The following CLNK variants were observed in gnomAD, a reference collection of about 807,000 sequenced individuals.
The protein encoded by CLNK is cytokine dependent hematopoietic cell linker, also known as cytokine-dependent hematopoietic cell linker.
Under a neutral mutation model 68.6 loss-of-function variants are expected in CLNK, and 74 were observed. That is an observed-to-expected ratio of 1.08 (90% CI 0.89 to 1.31). CLNK has a LOEUF of 1.31. Among genes scored for constraint, CLNK ranks in the 50% most tolerant of loss-of-function variants. CLNK has a pLI of 0.00. For missense variants in CLNK, 553 were observed against 515.3 expected, an observed-to-expected ratio of 1.07 and a Z score of -0.71; for synonymous variants, 198 against 172.2, an observed-to-expected ratio of 1.15 and a Z score of -1.17.
At chr4:10,607,165 T>C (rs981534918) in intron 2 of CLNK, among the ~76,000 whole-genome samples, 1 of 152,190 alleles carries the variant, frequency 6.6e-6, no homozygotes, top group Non-Finnish European at 1.5e-5. Flanking sequence ...GGGGAAAAGG[T>C]GCATCCATAG....
intron 4 of CLNK, 80 bp from the exon 5 acceptor site, chr4:10,571,858 C>T: frequency 9.2e-7 from 1 of 1,087,730 alleles, no homozygotes; most frequent in Non-Finnish European, 1.4e-6. Flanking sequence ...CCTTGTTTTT[C>T]TCCAGAAATC....
intron 12 of CLNK, among the ~76,000 whole-genome samples, chr4:10,529,693 T>C (rs1325555134): frequency 6.6e-6 from 1 of 152,192 alleles, no homozygotes; most frequent in Non-Finnish European, 1.5e-5. Context: ...ACTTTGAACC[T>C]GGCTGTTCAA....
chr4:10,583,840 G>T (rs990145459), intron 4 of CLNK, among the ~76,000 whole-genome samples: 2 of 152,194 alleles, frequency 1.3e-5, no homozygotes, highest in African/African-American at 4.8e-5. Context: ...GATACAGGTA[G>T]TTGGAGCTGG....
chr4:10,674,124 C>T (rs1404705331), intron 1 of CLNK, among the ~76,000 whole-genome samples: 2 of 152,116 alleles, frequency 1.3e-5, no homozygotes, highest in African/African-American at 2.4e-5. Flanking sequence ...AGAGTCGACT[C>T]TGCTGTGGGG....
intron 2 of CLNK, among the ~76,000 whole-genome samples, chr4:10,599,632 T>A (rs1721515163): frequency 6.6e-6 from 1 of 152,202 alleles, no homozygotes. Flanking sequence ...CAGGCCTTTT[T>A]CCTAGCGAGA....
chr4:10,561,970 G>A (rs907859260), intron 7 of CLNK, among the ~76,000 whole-genome samples: 1 of 152,178 alleles, frequency 6.6e-6, no homozygotes, highest in Non-Finnish European at 1.5e-5. Context: ...CATGGTAGGT[G>A]TTGGGGCTAA....
rs1553851326 is a variant in CLNK at position 10,564,741 on chromosome 4, AGG to A, written c.327_328del (p.Leu110SerfsTer38). 6.2e-7 allele frequency: 1 copy of A among 1,613,482 alleles called. No homozygotes were observed. The highest frequency in any genetic ancestry group is 1.3e-5 in the African/African-American group (1 of 74,890). On this transcript the variant is annotated frameshift_variant, in exon 7 of 19. Coordinates refer to ENST00000226951, the MANE Select transcript of CLNK (RefSeq NM_052964.4). LOFTEE classifies it high-confidence loss of function. ...GATAGAGGTCCTGGTGTCTAACGGAAGGGGAGTGTCCATTGCAACCTTGAAAT... is the reference window on the plus strand; with the variant it reads ...GATAGAGGTCCTGGTGTCTAACGGAAGGAGTGTCCATTGCAACCTTGAAAT...
At chr4:10,516,190 T>C (rs542508530) in intron 15 of CLNK, among the ~76,000 whole-genome samples, 2 of 152,266 alleles carry the variant, frequency 1.3e-5, no homozygotes, top group South Asian at 4.1e-4. Flanking sequence ...ATAAAATCTT[T>C]AGGATATATA....
intron 13 of CLNK, 59 bp downstream of exon 13, chr4:10,528,017 C>G (rs953187294): frequency 2.1e-6 from 2 of 974,276 alleles, no homozygotes; most frequent in Non-Finnish European, 2.8e-6. Context: ...CACTGTAGAT[C>G]TAGAAAGAGA....
Position 10,542,824 on chromosome 4 carries a change from GA to G in CLNK, c.446-545del, listed in dbSNP as rs548514459. 1.7e-3 allele frequency among the ~76,000 whole-genome samples: 249 copies of G among 146,506 alleles called. 2 individuals are homozygous for G. Among genetic ancestry groups the G allele is most frequent in the South Asian group, 2.2e-3 (10 of 4,610 alleles). ...AATCCAACTTCTTTATTTTATGGAT[GA>G]AAAAAAAAACTAAGGACAAACTAGG... On this transcript the variant is annotated intron_variant, in intron 8 of 18. Coordinates refer to ENST00000226951, the MANE Select transcript of CLNK (RefSeq NM_052964.4).
At chr4:10,667,305 C>A (rs1442674165) in intron 2 of CLNK, among the ~76,000 whole-genome samples, 1 of 150,828 alleles carries the variant, frequency 6.6e-6, no homozygotes, top group Non-Finnish European at 1.5e-5. Flanking sequence ...ACTGGTCCAC[C>A]AAACTTTGCC....
intron 5 of CLNK, among the ~76,000 whole-genome samples, chr4:10,570,479 C>T (rs1181944366): frequency 6.6e-6 from 1 of 152,138 alleles, no homozygotes; most frequent in Non-Finnish European, 1.5e-5. Flanking sequence ...TATCTATTTT[C>T]TAACAATTTC....
chr4:10,664,810 G>A (rs1724327111), intron 2 of CLNK, among the ~76,000 whole-genome samples: 1 of 152,254 alleles, frequency 6.6e-6, no homozygotes, highest in Non-Finnish European at 1.5e-5. Context: ...AGAATAAAAT[G>A]TGGAGTGTAC....
chr4:10,576,806 C>T (rs1175953014), intron 4 of CLNK, among the ~76,000 whole-genome samples: 3 of 152,224 alleles, frequency 2.0e-5, no homozygotes, highest in African/African-American at 7.2e-5. Flanking sequence ...AGTTTTAGAA[C>T]CGCTAAGTTA....
the CLNK span, chr4:10,697,775 A>T: frequency 2.0e-5 from 3 of 152,204 alleles, no homozygotes; most frequent in African/African-American, 7.2e-5. Flanking sequence ...TCTCCTGGGA[A>T]CATTGAACTG....
At chr4:10,695,310 A>G in the CLNK span, among the ~76,000 whole-genome samples, 1 of 152,240 alleles carries the variant, frequency 6.6e-6, no homozygotes, top group Admixed American at 6.5e-5. Context: ...ATGGACAATT[A>G]TTATTTAATT....
chr4:10,644,759 T>C (rs1251990218), intron 2 of CLNK, among the ~76,000 whole-genome samples: 1 of 152,244 alleles, frequency 6.6e-6, no homozygotes, highest in Non-Finnish European at 1.5e-5. Context: ...TTTCCTTTTC[T>C]CACTGACTTC....
intron 8 of CLNK, among the ~76,000 whole-genome samples, chr4:10,554,679 C>G (rs1445728251): frequency 3.9e-5 from 6 of 152,168 alleles, no homozygotes; most frequent in African/African-American, 1.4e-4. Flanking sequence ...ACATTTACAT[C>G]TAAAATGGTA....
intron 11 of CLNK, among the ~76,000 whole-genome samples, chr4:10,534,597 A>G (rs756596450): frequency 6.6e-6 from 1 of 152,238 alleles, no homozygotes; most frequent in Non-Finnish European, 1.5e-5. Context: ...ACAGTAGTGA[A>G]GAGAATTGCT....
Sources: gnomAD v4.1 joint callset for allele counts (sites outside exome capture counted in the v4.1 genomes callset) on GRCh38, gnomAD v4.1.1 for gene constraint, MANE v1.5 for transcripts, NCBI Gene and HGNC (gene_info 2026-07-23, HGNC 2026-07-21) for gene names.